Variants in KCNIP4 observed in about 807,000 individuals in gnomAD.
The protein encoded by KCNIP4 is Kv channel-interacting protein 4.
KCNIP4 carries 12 observed loss-of-function variants against 34.0 expected under a neutral mutation model. The ratio of observed to expected loss-of-function variants is 0.35; its 90% CI spans 0.23 to 0.57. KCNIP4 has a LOEUF of 0.57. KCNIP4 is among the 20% of genes least tolerant of loss of function. The probability of loss-of-function intolerance (pLI) is 0.83; values close to 1 mark genes in which losing one functional copy is unlikely to be tolerated. For synonymous variants in KCNIP4, 124 were observed against 102.2 expected, an observed-to-expected ratio of 1.21 and a Z score of -1.29; for missense variants, 238 against 311.7, an observed-to-expected ratio of 0.76 and a Z score of 1.78.
intron 1 of KCNIP4, among the ~76,000 whole-genome samples, chr4:21,099,852 C>G (rs980657585): frequency 6.6e-6 from 1 of 151,820 alleles, no homozygotes; most frequent in Non-Finnish European, 1.5e-5. Flanking sequence ...TTGAAGGGTT[C>G]AATAGTTTAG....
intron 1 of KCNIP4, among the ~76,000 whole-genome samples, chr4:21,131,157 A>T (rs1316017438): frequency 6.6e-6 from 1 of 152,154 alleles, no homozygotes; most frequent in African/African-American, 2.4e-5. Context: ...AGCAATCATC[A>T]ATGTCCATCA....
intron 1 of KCNIP4, among the ~76,000 whole-genome samples, chr4:21,772,975 G>C (rs542715636): frequency 6.6e-6 from 1 of 152,088 alleles, no homozygotes; most frequent in African/African-American, 2.4e-5. Flanking sequence ...GGATTAGTTT[G>C]CTCTTGCCTC....
chr4:21,107,795 G>T (rs1748721426), intron 1 of KCNIP4, among the ~76,000 whole-genome samples: 1 of 151,334 alleles, frequency 6.6e-6, no homozygotes, highest in Non-Finnish European at 1.5e-5. Flanking sequence ...GGCAGGCCTG[G>T]TGGTGACAAA....
chr4:21,099,694 G>A (rs976259185), intron 1 of KCNIP4, among the ~76,000 whole-genome samples: 6 of 152,130 alleles, frequency 3.9e-5, no homozygotes, highest in Admixed American at 1.3e-4. Flanking sequence ...TGAGTCCTCT[G>A]ATGGATCTGG....
chr4:21,262,839 T>C (rs1292825796), intron 1 of KCNIP4, among the ~76,000 whole-genome samples: 1 of 152,232 alleles, frequency 6.6e-6, no homozygotes, highest in East Asian at 1.9e-4. Context: ...GAATTTCTTG[T>C]TCACTTGTCT....
At chr4:21,845,139 A>C (rs1005950808) in intron 1 of KCNIP4, 4 of 151,998 alleles carry the variant, frequency 2.6e-5, no homozygotes, top group African/African-American at 9.7e-5. Flanking sequence ...ACAACATTTC[A>C]AGTACCTCCC....
chr4:21,120,885 C>T (rs754292703), intron 1 of KCNIP4, among the ~76,000 whole-genome samples: 7 of 152,114 alleles, frequency 4.6e-5, no homozygotes, highest in Non-Finnish European at 1.0e-4. Flanking sequence ...TTTGAAGAGT[C>T]CATCTCCAAA....
rs1407438379 is a variant in KCNIP4, at chr4:21,370,018, G to A, written c.62-487309C>T. 4.1e-5 allele frequency among the ~76,000 whole-genome samples: 6 copies of A among 146,478 alleles called. 1 individual carries two copies. The highest frequency in any genetic ancestry group is 1.1e-4 in the African/African-American group (4 of 36,322). On this transcript the variant is annotated intron_variant, in intron 1 of 8. Coordinates refer to ENST00000382152, the MANE Select transcript of KCNIP4 (RefSeq NM_025221.6). ...AATTTTTTGTATTTTTATTAGAGAC[G>A]GGGTTTCACCGTGTTAGCCAGGATG...
intron 1 of KCNIP4, among the ~76,000 whole-genome samples, chr4:20,964,519 TG>T (rs1414904166): frequency 1.3e-5 from 2 of 152,076 alleles, no homozygotes; most frequent in Admixed American, 1.3e-4. Context: ...TCGTCTTTTT[TG>T]GGGGGGAGGT....
intron 1 of KCNIP4, among the ~76,000 whole-genome samples, chr4:20,989,944 G>A (rs956864711): frequency 6.6e-6 from 1 of 152,174 alleles, no homozygotes; most frequent in Non-Finnish European, 1.5e-5. Flanking sequence ...GCAACAGAAT[G>A]AGACCCTGTC....
intron 1 of KCNIP4, among the ~76,000 whole-genome samples, chr4:21,924,083 A>G (rs1729092933): frequency 6.6e-6 from 1 of 152,210 alleles, no homozygotes. Context: ...ATAGGTGTCA[A>G]TAATCACATA....
intron 1 of KCNIP4, among the ~76,000 whole-genome samples, chr4:21,133,234 C>T (rs1751222871): frequency 6.6e-6 from 1 of 152,108 alleles, no homozygotes; most frequent in South Asian, 2.1e-4. Context: ...TTGCCTACTT[C>T]CTCACATACA....
chr4:21,280,701 G>T (rs1445053682), intron 1 of KCNIP4, among the ~76,000 whole-genome samples: 2 of 152,152 alleles, frequency 1.3e-5, no homozygotes, highest in Non-Finnish European at 1.5e-5. Flanking sequence ...TGAGACTTGG[G>T]TCACTAGATC....
intron 1 of KCNIP4, among the ~76,000 whole-genome samples, chr4:21,775,900 C>T (rs562480230): frequency 1.9e-4 from 29 of 152,294 alleles, no homozygotes; most frequent in South Asian, 1.5e-3. Flanking sequence ...TGAGTCCCAG[C>T]GCTGGCTGAT....
chr4:21,399,877 C>A (rs1190894675), intron 1 of KCNIP4, among the ~76,000 whole-genome samples: 1 of 152,002 alleles, frequency 6.6e-6, no homozygotes, highest in African/African-American at 2.4e-5. Context: ...TGGAGCAGGG[C>A]CAGTAGAGAA....
intron 1 of KCNIP4, among the ~76,000 whole-genome samples, chr4:21,311,251 A>C (rs142666806): frequency 6.6e-4 from 101 of 152,308 alleles, no homozygotes; most frequent in Non-Finnish European, 1.1e-3. Flanking sequence ...ATTCCTAGCC[A>C]CTATATGGAT....
At chr4:21,114,108 C>T (rs1478758701) in intron 1 of KCNIP4, among the ~76,000 whole-genome samples, 3 of 152,194 alleles carry the variant, frequency 2.0e-5, no homozygotes, top group African/African-American at 7.2e-5. Flanking sequence ...ATCTGTACAA[C>T]TACCCATACA....
intron 1 of KCNIP4, among the ~76,000 whole-genome samples, chr4:20,998,399 G>T (rs1187898216): frequency 6.6e-6 from 1 of 152,180 alleles, no homozygotes; most frequent in East Asian, 1.9e-4. Flanking sequence ...GAGGACTGAA[G>T]GGCAGGGGTG....
intron 1 of KCNIP4, among the ~76,000 whole-genome samples, chr4:21,230,063 G>T (rs1758681185): frequency 2.0e-5 from 3 of 152,132 alleles, no homozygotes; most frequent in African/African-American, 7.2e-5. Context: ...GTAGATGAAG[G>T]TGGTCAAATC....
Sources: allele counts gnomAD v4.1 joint callset (sites outside exome capture counted in the v4.1 genomes callset), GRCh38; gene constraint gnomAD v4.1.1; transcripts MANE v1.5; gene names NCBI Gene and HGNC (gene_info 2026-07-23, HGNC 2026-07-21).